The following CAB39L variants were observed in gnomAD, a reference collection of about 807,000 sequenced individuals.
CAB39L encodes calcium-binding protein 39-like.
CAB39L carries 23 observed loss-of-function variants against 39.1 expected under a neutral mutation model. That is an observed-to-expected ratio of 0.59 (90% CI 0.42 to 0.83). The LOEUF (loss-of-function observed/expected upper bound fraction) is 0.83. Among genes scored for constraint, CAB39L ranks in the 40% least tolerant of loss-of-function variants. The probability of loss-of-function intolerance (pLI) is 0.00; values close to 1 mark genes in which losing one functional copy is unlikely to be tolerated. For synonymous variants in CAB39L, 126 were observed against 137.2 expected (o/e 0.92, Z 0.57); for missense variants, 366 against 391.9 (o/e 0.93, Z 0.56).
intron 3 of CAB39L, among the ~76,000 whole-genome samples, chr13:49,424,590 T>C (rs1306125537): frequency 6.6e-6 from 1 of 152,200 alleles, no homozygotes; most frequent in Non-Finnish European, 1.5e-5. Context: ...TCAGTATTAG[T>C]TCATTAATTG....
At chr13:49,370,893 T>C (rs1955899009) in intron 5 of CAB39L, among the ~76,000 whole-genome samples, 1 of 152,146 alleles carries the variant, frequency 6.6e-6, no homozygotes, top group African/African-American at 2.4e-5. Flanking sequence ...TTTAGGGCAA[T>C]AGGGTAATGA....
At chr13:49,390,238 T>G (rs959966697) in intron 3 of CAB39L, among the ~76,000 whole-genome samples, 1 of 152,178 alleles carries the variant, frequency 6.6e-6, no homozygotes, top group Non-Finnish European at 1.5e-5. Flanking sequence ...TTCTATACTT[T>G]GCCCATTTCA....
At chr13:49,366,226 T>G (rs78795441) in intron 5 of CAB39L, among the ~76,000 whole-genome samples, 1 of 151,834 alleles carries the variant, frequency 6.6e-6, no homozygotes, top group African/African-American at 2.4e-5. Flanking sequence ...ATAGAAACAA[T>G]GAATAAGATC....
chr13:49,366,721 AAAAC>A (rs1593996811), intron 5 of CAB39L, among the ~76,000 whole-genome samples: 1 of 152,060 alleles, frequency 6.6e-6, no homozygotes, highest in South Asian at 2.1e-4. Flanking sequence ...AATAGTATGA[AAAAC>A]AAACAATCTG....
intron 3 of CAB39L, among the ~76,000 whole-genome samples, chr13:49,415,457 G>C (rs1337007893): frequency 6.6e-6 from 1 of 151,816 alleles, no homozygotes; most frequent in Non-Finnish European, 1.5e-5. Flanking sequence ...GGAGGCAGAG[G>C]CTGCAGTGAG....
chr13:49,429,834 T>C (rs1236266514), intron 3 of CAB39L, among the ~76,000 whole-genome samples: 1 of 152,354 alleles, frequency 6.6e-6, no homozygotes, highest in Admixed American at 6.5e-5. Flanking sequence ...TTTGTTCTTA[T>C]GAGAACTATA....
At chr13:49,430,329 G>T (rs1319202506) in intron 3 of CAB39L, among the ~76,000 whole-genome samples, 1 of 152,134 alleles carries the variant, frequency 6.6e-6, no homozygotes, top group Non-Finnish European at 1.5e-5. Flanking sequence ...TATAAAATTT[G>T]CCATAGGAAA....
At chr13:49,360,698 C>T (rs988279736) in intron 5 of CAB39L, among the ~76,000 whole-genome samples, 3 of 152,086 alleles carry the variant, frequency 2.0e-5, no homozygotes, top group East Asian at 1.9e-4. Flanking sequence ...GGACCTGGTG[C>T]GAGGTGATTG....
At chr13:49,314,980 A>T (rs1414146662) in intron 10 of CAB39L, among the ~76,000 whole-genome samples, 4 of 152,214 alleles carry the variant, frequency 2.6e-5, no homozygotes, top group Admixed American at 6.5e-5. Flanking sequence ...GCAAGGGCTG[A>T]AGCTGAGATT....
intron 3 of CAB39L, among the ~76,000 whole-genome samples, chr13:49,386,113 A>G (rs1956353295): frequency 6.6e-6 from 1 of 152,202 alleles, no homozygotes; most frequent in South Asian, 2.1e-4. Context: ...GGAAAGATAT[A>G]TAACTGTAGG....
intron 10 of CAB39L, among the ~76,000 whole-genome samples, chr13:49,317,564 T>C (rs1341441206): frequency 6.6e-6 from 1 of 151,982 alleles, no homozygotes; most frequent in Non-Finnish European, 1.5e-5. Flanking sequence ...ACACTCAATA[T>C]AGGACATTTG....
At chr13:49,385,818 C>T (rs1043758680) in intron 3 of CAB39L, among the ~76,000 whole-genome samples, 3 of 152,122 alleles carry the variant, frequency 2.0e-5, no homozygotes, top group African/African-American at 7.2e-5. Flanking sequence ...AAAACAATTA[C>T]AATAGTTAAC....
rs930653043 is a variant in CAB39L, at chr13:49,395,693, A to G, written c.-31-12752T>C. ...TGTAGATTTTGTAGTAGATTTTGGC[A>G]GCATTCTCTTTCCTAATACACAGTA... On this transcript the variant is annotated intron_variant, in intron 3 of 10. Transcript: ENST00000409308. Among the ~76,000 whole-genome samples, 4 of 152,314 alleles carry G rather than the reference A, an allele frequency of 2.6e-5. No individual in the cohort carries two copies. The South Asian group carries it at 6.2e-4, about 24-fold the overall frequency.
chr13:49,359,797 G>C lies in CAB39L; in HGVS notation c.312C>G (p.Ile104Met). The C allele has an allele frequency of 6.2e-7, 1 of 1,612,444 alleles. No individual in the cohort carries two copies. Among genetic ancestry groups the C allele is most frequent in the Non-Finnish European group, 8.5e-7 (1 of 1,178,714 alleles). Residue 104 changes from isoleucine (I) to methionine (M), a missense_variant, in exon 6 of 11, where the codon ATC becomes ATG. Coordinates refer to ENST00000409308, the MANE Select transcript of CAB39L (RefSeq NM_001079670.3). ...KKDVTQIFNN[I>M]LRRQIGTRSP... The stretch of plus-strand genomic sequence containing the variant: ...TCCGAGTGCCTATCTGTCTTCTCAA[G>C]ATGTTGTTAAATATCTGGGTCACAT...
At chr13:49,323,699 G>C (rs1954421100) in intron 10 of CAB39L, among the ~76,000 whole-genome samples, 1 of 152,194 alleles carries the variant, frequency 6.6e-6, no homozygotes, top group Non-Finnish European at 1.5e-5. Context: ...ACATGACGAT[G>C]CTTGTCAAAC....
rs112088046 is a variant in CAB39L at position 49,439,151 on chromosome 13, T to C, written c.-246+4835A>G. On this transcript the variant is annotated intron_variant, in intron 1 of 10. Transcript: ENST00000409308. ...ATGTATATTCACTCTTGGTTTCTAA[T>C]GCAATCATCACTTTAAACTGTCTTT... Among the ~76,000 whole-genome samples, 472 of 152,348 alleles carry C rather than the reference T, an allele frequency of 3.1e-3. 3 individuals are homozygous for C. Among genetic ancestry groups the C allele is most frequent in the Non-Finnish European group, 5.0e-3 (339 of 68,026 alleles).
chr13:49,344,829 G>A (rs1198502), intron 7 of CAB39L, among the ~76,000 whole-genome samples: 65,927 of 151,988 alleles, frequency 0.43, 14,970 homozygotes, highest in Middle Eastern at 0.55. Context: ...TACTGGAAGC[G>A]TAGGACTGAC....
intron 1 of CAB39L, among the ~76,000 whole-genome samples, chr13:49,435,209 A>G (rs752892876): frequency 1.1e-4 from 16 of 152,166 alleles, no homozygotes; most frequent in Non-Finnish European, 1.6e-4. Context: ...GGCACAATCT[A>G]CCTGCAGACT....
chr13:49,440,612 G>T (rs1957496346), intron 1 of CAB39L, among the ~76,000 whole-genome samples: 1 of 151,812 alleles, frequency 6.6e-6, no homozygotes, highest in African/African-American at 2.4e-5. Flanking sequence ...CCATGAGCAT[G>T]GAGTGTTTTT....
Sources: gnomAD v4.1 joint callset for allele counts (sites outside exome capture counted in the v4.1 genomes callset) on GRCh38, gnomAD v4.1.1 for gene constraint, MANE v1.5 for transcripts, NCBI Gene and HGNC (gene_info 2026-07-23, HGNC 2026-07-21) for gene names.